Variants in BYSL observed in about 807,000 individuals in gnomAD.
The protein encoded by BYSL is bystin like.
In BYSL, 21 loss-of-function variants were observed where a neutral mutation model predicts 45.4. That is an observed-to-expected ratio of 0.46 (90% CI 0.33 to 0.67). The LOEUF is 0.67. Ranked by LOEUF, BYSL falls within the 30% of genes least tolerant of loss-of-function variation. The pLI, the probability that BYSL is intolerant of heterozygous loss-of-function variation, is 0.02. For synonymous variants in BYSL, 215 were observed against 231.3 expected, an observed-to-expected ratio of 0.93 and a Z score of 0.64; for missense variants, 522 against 578.5, an observed-to-expected ratio of 0.90 and a Z score of 1.00.
chr6:41,918,575 A>G (rs1177083831), upstream of BYSL, among the ~76,000 whole-genome samples: 2 of 151,948 alleles, frequency 1.3e-5, no homozygotes, highest in Non-Finnish European at 2.9e-5. Context: ...GCACTTTGGG[A>G]GGCCAAGGCG....
upstream of BYSL, chr6:41,921,250 T>G (rs989625019): frequency 1.5e-6 from 1 of 647,028 alleles, no homozygotes; most frequent in Non-Finnish European, 2.6e-6. Flanking sequence ...CCGAGGTTTC[T>G]AAATCCAGAC....
chr6:41,909,855 A>C, the BYSL span, among the ~76,000 whole-genome samples: 1 of 152,200 alleles, frequency 6.6e-6, no homozygotes, highest in East Asian at 1.9e-4. Context: ...ACTCCCACAG[A>C]CTTTACGTAT....
At chr6:41,908,988 G>T in the BYSL span, 1 of 465,034 alleles carries the variant, frequency 2.2e-6, no homozygotes, top group Non-Finnish European at 3.8e-6. Flanking sequence ...TCTGAGATCA[G>T]CCTGGGCAAC....
At chr6:41,915,561 G>C in the BYSL span, among the ~76,000 whole-genome samples, 1 of 152,192 alleles carries the variant, frequency 6.6e-6, no homozygotes, top group East Asian at 1.9e-4. Context: ...GCCGAGGCGG[G>C]TGGATCACAA....
upstream of BYSL, among the ~76,000 whole-genome samples, chr6:41,919,890 A>G (rs1165853776): frequency 1.8e-4 from 27 of 152,206 alleles, no homozygotes; most frequent in Admixed American, 1.8e-3. Context: ...GTAGGAAGCA[A>G]GAGTGCAATC....
chr6:41,926,364 A>G (rs1192503274), intron 1 of BYSL, among the ~76,000 whole-genome samples: 1 of 152,226 alleles, frequency 6.6e-6, no homozygotes, highest in African/African-American at 2.4e-5. Flanking sequence ...GAAACTGGGT[A>G]TAGTAATAGT....
At chr6:41,923,875 C>T (rs1411149757) in intron 1 of BYSL, among the ~76,000 whole-genome samples, 1 of 152,170 alleles carries the variant, frequency 6.6e-6, no homozygotes, top group African/African-American at 2.4e-5. Context: ...ATTTAGGCTT[C>T]ATTGTGCCTT....
upstream of BYSL, chr6:41,920,788 CA>C (rs927334036): frequency 1.6e-3 from 712 of 452,028 alleles, no homozygotes; most frequent in South Asian, 3.1e-3. Context: ...CAAAACAAAA[CA>C]AAAAAAAAAC....
chr6:41,925,574 A>G (rs1582071622), intron 1 of BYSL, among the ~76,000 whole-genome samples: 1 of 152,258 alleles, frequency 6.6e-6, no homozygotes, highest in East Asian at 1.9e-4. Context: ...CGTGTTAGCC[A>G]GGATGGTCTC....
rs777763461 is a variant in BYSL at position 41,932,613 on chromosome 6, G to A, written c.1221G>A (p.Leu407=). Residue 407 remains leucine (L), a synonymous_variant, in exon 7 of 7, where the codon CTG becomes CTA. Coordinates refer to ENST00000230340, the MANE Select transcript of BYSL (RefSeq NM_004053.4). This position sits in a 1 kb window ranked among gnomAD's most constrained non-coding sequence, Gnocchi z 4.7. ...QKEALLELLR[L]QPHPQLSPEI... ...AGGCCCTCTTAGAACTGCTCCGGCT[G>A]CAGCCCCATCCACAGCTATCGCCCG... is the stretch of plus-strand genomic sequence containing the variant. 1.2e-6 allele frequency: 2 copies of A among 1,614,092 alleles called. No homozygotes were observed. Among genetic ancestry groups the A allele is most frequent in the African/African-American group, 1.3e-5 (1 of 74,942 alleles).
chr6:41,915,597 C>A, the BYSL span, among the ~76,000 whole-genome samples: 2 of 152,194 alleles, frequency 1.3e-5, no homozygotes, highest in Non-Finnish European at 2.9e-5. Flanking sequence ...ACCATCCTGG[C>A]TAACACGGTG....
chr6:41,928,227 G>GT (rs1210582975), intron 2 of BYSL, among the ~76,000 whole-genome samples: 1 of 152,170 alleles, frequency 6.6e-6, no homozygotes, highest in East Asian at 1.9e-4. Flanking sequence ...TGGGAGTGGA[G>GT]TCTAGGATAA....
upstream of BYSL, chr6:41,916,953 C>A (rs1775330571): frequency 1.2e-6 from 2 of 1,613,538 alleles, no homozygotes. Flanking sequence ...GAAAGGAGAG[C>A]ACCAAATCGT....
intron 3 of BYSL, 177 bp downstream of exon 3, chr6:41,930,447 C>T: frequency 8.2e-7 from 1 of 1,213,364 alleles, no homozygotes; most frequent in Non-Finnish European, 1.1e-6. Flanking sequence ...AATGACTTGG[C>T]ATCCTTGGGT....
Position 41,921,675 on chromosome 6 carries a change from G to A in BYSL, c.113G>A (p.Arg38Gln), listed in dbSNP as rs776182011. 6.2e-7 allele frequency: 1 copy of A among 1,613,196 alleles called. No individual in the cohort carries two copies. The highest frequency in any genetic ancestry group is 8.5e-7 in the Non-Finnish European group (1 of 1,179,716). Reference protein sequence around the residue: ...AVRAGVREKRRGRGTGEAEEE... With the variant: ...AVRAGVREKRQGRGTGEAEEE... ...CGGGCGGGGGTCCGGGAGAAGCGGC[G>A]GGGTCGCGGGACAGGAGAAGCGGAG... Residue 38 changes from arginine (R) to glutamine (Q), a missense_variant, in exon 1 of 7, where the codon CGG (arginine) becomes CAG (glutamine). By Grantham distance (43) the Arg-to-Gln change is conservative. Transcript: ENST00000230340.
intron 1 of BYSL, among the ~76,000 whole-genome samples, chr6:41,926,671 G>A (rs1269474755): frequency 1.1e-4 from 17 of 150,736 alleles, no homozygotes; most frequent in African/African-American, 2.2e-4. Flanking sequence ...GGGTGGTTTC[G>A]ATCTCTTGAC....
the BYSL span, among the ~76,000 whole-genome samples, chr6:41,914,963 T>C: frequency 6.6e-6 from 1 of 152,276 alleles, no homozygotes; most frequent in Non-Finnish European, 1.5e-5. Flanking sequence ...TCAGAGTGCA[T>C]AAGGATTGTC....
Position 41,932,740 on chromosome 6 carries a change from T to G in BYSL, c.*34T>G, listed in dbSNP as rs1436904874. ...GTCAGCTGTCCTGGCCAAAGGGGTTTGGAAGGACACCAAGACCCCCGTTGG... is the reference window on the plus strand; with the variant it reads ...GTCAGCTGTCCTGGCCAAAGGGGTTGGGAAGGACACCAAGACCCCCGTTGG... On this transcript the variant is annotated 3_prime_UTR_variant, in exon 7 of 7. Transcript: ENST00000230340. The surrounding 1 kb of genome is among the most constrained non-coding windows in gnomAD (Gnocchi z 4.7). The G allele has an allele frequency of 6.4e-7, 1 of 1,571,010 alleles. No individual in the cohort carries two copies. Among genetic ancestry groups the G allele is most frequent in the Non-Finnish European group, 8.7e-7 (1 of 1,155,230 alleles).
upstream of BYSL, chr6:41,916,762 T>C (rs775686255): frequency 8.1e-6 from 13 of 1,611,988 alleles, no homozygotes; most frequent in Non-Finnish European, 1.1e-5. Flanking sequence ...GTTCCAGCCA[T>C]CCTACAGACC....
Sources: allele counts gnomAD v4.1 joint callset (sites outside exome capture counted in the v4.1 genomes callset), GRCh38; gene constraint gnomAD v4.1.1; non-coding constraint Gnocchi (gnomAD v3.1); transcripts MANE v1.5; gene names NCBI Gene and HGNC (gene_info 2026-07-23, HGNC 2026-07-21).